Variants in ELL observed in about 807,000 individuals in gnomAD.
ELL encodes RNA polymerase II elongation factor ELL.
ELL carries 18 observed loss-of-function variants against 64.0 expected under a neutral mutation model. The observed-to-expected ratio is 0.28, with a 90% CI of 0.19 to 0.42. The LOEUF is 0.42. ELL is among the 10% of genes least tolerant of loss of function. ELL has a pLI of 1.00. For synonymous variants in ELL, 399 were observed against 376.2 expected (o/e 1.06, Z -0.70); for missense variants, 797 against 870.4 (o/e 0.92, Z 1.06).
intron 2 of ELL, 145 bp downstream of exon 2, chr19:18,472,690 T>C (rs563782398): frequency 2.1e-5 from 21 of 993,962 alleles, no homozygotes; most frequent in African/African-American, 3.3e-5. Context: ...GGGGCTATCC[T>C]GGGGGCCTAG....
chr19:18,476,224 G>A lies in ELL; in HGVS notation c.136-3342C>T, dbSNP rs533496214. Among the ~76,000 whole-genome samples, 22 of 152,314 alleles carry A rather than the reference G, an allele frequency of 1.4e-4. 1 individual carries two copies. The South Asian group carries it at 2.1e-3, about 14-fold the overall frequency. ...AGAGCAGGTGGGCCCCGTCTCTCGC[G>A]GTGCAAACCTCTGCAGAGGGGTCGG... is the stretch of plus-strand genomic sequence containing the variant. On this transcript the variant is annotated intron_variant, in intron 1 of 11. Coordinates refer to ENST00000262809, the MANE Select transcript of ELL (RefSeq NM_006532.4).
At chr19:18,500,937 C>T (rs1289038836) in intron 1 of ELL, among the ~76,000 whole-genome samples, 1 of 152,148 alleles carries the variant, frequency 6.6e-6, no homozygotes, top group African/African-American at 2.4e-5. Flanking sequence ...GAACACATGG[C>T]GGCTGCTCGC....
chr19:18,474,837 G>A (rs957511368), intron 1 of ELL, among the ~76,000 whole-genome samples: 4 of 152,194 alleles, frequency 2.6e-5, no homozygotes, highest in Non-Finnish European at 5.9e-5. Flanking sequence ...CTACAAATTT[G>A]GTTAAACAGG....
rs1975780223 is a variant in ELL at position 18,501,544 on chromosome 19, C to T, written c.135+20377G>A. 6.6e-6 allele frequency among the ~76,000 whole-genome samples: 1 copy of T among 152,140 alleles called. No homozygotes were observed. Among genetic ancestry groups the T allele is most frequent in the Non-Finnish European group, 1.5e-5 (1 of 68,018 alleles). ...TGGCAGAAGGGAGCAAGACACTGGT[C>T]CACGGCACAGCCAGCTCAGAGCCAG... On this transcript the variant is annotated intron_variant, in intron 1 of 11. Transcript: ENST00000262809. The surrounding 1 kb of genome is among the most constrained non-coding windows in gnomAD (Gnocchi z 4.5).
In ELL at chr19:18,446,479, T is replaced by G. The variant is rs1974418732; in HGVS notation, c.1534A>C (p.Lys512Gln). The G allele has an allele frequency of 6.2e-7, 1 of 1,611,400 alleles. No homozygotes were observed. Among genetic ancestry groups the G allele is most frequent in the Middle Eastern group, 1.7e-4 (1 of 6,054 alleles). ...TCCGAAGAGGAGATGGCTGCGTACT[T>G]CCTGAAACAGGAGAGAGGGGCCACT... ...STSETPDYLL[K>Q]YAAISSSEQR... The change falls in exon 10 of 12, where the codon AAG becomes CAG. Residue 512 changes from lysine (K) to glutamine (Q), a missense_variant and splice_region_variant. Physicochemically the swap from Lys to Gln is moderately conservative, Grantham distance 53. Coordinates refer to ENST00000262809, the MANE Select transcript of ELL (RefSeq NM_006532.4).
chr19:18,469,019 C>A (rs1432886523), intron 2 of ELL, among the ~76,000 whole-genome samples: 4 of 152,154 alleles, frequency 2.6e-5, no homozygotes, highest in Non-Finnish European at 5.9e-5. Context: ...GACATCTGCC[C>A]CCCAAACTCC....
chr19:18,501,496 G>A lies in ELL; in HGVS notation c.135+20425C>T, dbSNP rs1174749136. Reference sequence around the variant, plus strand: ...TCAAGGCAGCTCTTCCAGGCCAGCCGGGGCCTTGGAGTGAGGGGCCACTGG... The same window carrying A: ...TCAAGGCAGCTCTTCCAGGCCAGCCAGGGCCTTGGAGTGAGGGGCCACTGG... On this transcript the variant is annotated intron_variant, in intron 1 of 11. Transcript: ENST00000262809. This position sits in a 1 kb window ranked among gnomAD's most constrained non-coding sequence, Gnocchi z 4.5. Among the ~76,000 whole-genome samples the A allele has an allele frequency of 3.3e-5, 5 of 152,178 alleles. No homozygotes were observed. The highest frequency in any genetic ancestry group is 1.9e-4 in the East Asian group (1 of 5,188).
intron 11 of ELL, 90 bp from the exon 12 acceptor site, chr19:18,444,958 A>C: frequency 7.1e-7 from 1 of 1,411,284 alleles, no homozygotes. Flanking sequence ...CAAACCAAAA[A>C]CCTGGGCTTG....
At chr19:18,455,602 T>C (rs1399365673) in intron 6 of ELL, among the ~76,000 whole-genome samples, 1 of 151,656 alleles carries the variant, frequency 6.6e-6, no homozygotes, top group African/African-American at 2.4e-5. Flanking sequence ...TCCCAGTGCT[T>C]TGGGTGGCTG....
At chr19:18,521,574 C>G (rs1021181731) in intron 1 of ELL, among the ~76,000 whole-genome samples, 1 of 152,216 alleles carries the variant, frequency 6.6e-6, no homozygotes, top group Non-Finnish European at 1.5e-5. Flanking sequence ...CCTCCTCGCC[C>G]CGCCGCCAGG....
intron 1 of ELL, among the ~76,000 whole-genome samples, chr19:18,487,655 G>A (rs968944419): frequency 2.0e-5 from 3 of 152,176 alleles, no homozygotes; most frequent in South Asian, 2.1e-4. Flanking sequence ...ACGAGGACCC[G>A]TGCAGCTGCC....
chr19:18,449,689 C>T lies in ELL; in HGVS notation c.1465+788G>A, dbSNP rs981519392. On this transcript the variant is annotated intron_variant, in intron 8 of 11. Coordinates refer to ENST00000262809, the MANE Select transcript of ELL (RefSeq NM_006532.4). The surrounding 1 kb of genome is among the most constrained non-coding windows in gnomAD (Gnocchi z 4.4). ...TGGGCTGCCCTGGGCCAGCTGGCGC[C>T]GAGAGCGAAGTGGCCATCTGCAACT... Among the ~76,000 whole-genome samples the T allele has an allele frequency of 2.0e-5, 3 of 152,198 alleles. No individual in the cohort carries two copies. The highest frequency in any genetic ancestry group is 1.3e-4 in the Admixed American group (2 of 15,274).
At chr19:18,517,904 A>G (rs1976162651) in intron 1 of ELL, among the ~76,000 whole-genome samples, 1 of 148,578 alleles carries the variant, frequency 6.7e-6, no homozygotes, top group Admixed American at 6.7e-5. Flanking sequence ...AAAAAAAAAG[A>G]AGGAGAAGAA....
In ELL at chr19:18,465,781, T is replaced by G. The variant is rs769405613; in HGVS notation, c.305+16A>C. On this transcript the variant is annotated intron_variant, in intron 3 of 11. Coordinates refer to ENST00000262809, the MANE Select transcript of ELL (RefSeq NM_006532.4). ...CAAGAGCCGGCGGGGTGCTCTGGGG[T>G]GGGGCGGCGCCTCACCTGGAGACAT... 1 of 1,421,464 alleles carries G rather than the reference T, an allele frequency of 7.0e-7. No individual in the cohort carries two copies. 88.1% of individuals were successfully genotyped at this position (1,421,464 alleles called of 1,614,324 possible).
At chr19:18,478,551 G>C (rs10426768) in intron 1 of ELL, among the ~76,000 whole-genome samples, 44,491 of 152,082 alleles carry the variant, frequency 0.29, 7,835 homozygotes, top group African/African-American at 0.5. Flanking sequence ...TATGGAACTG[G>C]GAGCTCCTGA....
intron 1 of ELL, among the ~76,000 whole-genome samples, chr19:18,493,058 G>T (rs539420390): frequency 2.0e-5 from 3 of 152,006 alleles, no homozygotes; most frequent in Non-Finnish European, 4.4e-5. Context: ...GGCTTCTAAA[G>T]CCAACAGTGA....
chr19:18,451,213 C>T (rs548972339), intron 7 of ELL, among the ~76,000 whole-genome samples: 1 of 152,314 alleles, frequency 6.6e-6, no homozygotes, highest in East Asian at 1.9e-4. Flanking sequence ...AGCGGGCCAC[C>T]CCTGGGGACT....
chr19:18,461,252 G>A (rs906008498), intron 5 of ELL, among the ~76,000 whole-genome samples: 3 of 152,196 alleles, frequency 2.0e-5, no homozygotes, highest in Non-Finnish European at 2.9e-5. Flanking sequence ...TCCACAAATC[G>A]TCTGCAACTG....
intron 1 of ELL, among the ~76,000 whole-genome samples, chr19:18,480,565 A>G (rs1375773807): frequency 6.6e-6 from 1 of 152,238 alleles, no homozygotes; most frequent in Non-Finnish European, 1.5e-5. Context: ...TGGGCCTGTA[A>G]GAGCAGGAAA....
Sources: allele counts gnomAD v4.1 joint callset (sites outside exome capture counted in the v4.1 genomes callset), GRCh38; gene constraint gnomAD v4.1.1; non-coding constraint Gnocchi (gnomAD v3.1); transcripts MANE v1.5; gene names NCBI Gene and HGNC (gene_info 2026-07-23, HGNC 2026-07-21).